Variants in IL36A observed in about 807,000 individuals in gnomAD.
The protein encoded by IL36A is interleukin-36 alpha.
A neutral mutation model predicts 12.7 loss-of-function variants in IL36A; 13 were observed. The ratio of observed to expected loss-of-function variants is 1.02; its 90% CI spans 0.67 to 1.63. IL36A has a LOEUF of 1.63. Ranked by LOEUF, IL36A falls within the 40% of genes most tolerant of loss-of-function variation. IL36A has a pLI of 0.00. For missense variants in IL36A, 195 were observed against 192.9 expected (o/e 1.01, Z -0.07); for synonymous variants, 73 against 71.9 (o/e 1.01, Z -0.08).
chr2:113,008,453 C>T (rs547656012), downstream of IL36A: 4 of 175,322 alleles, frequency 2.3e-5, no homozygotes, highest in Admixed American at 1.2e-4. Flanking sequence ...CTCCGCCTCC[C>T]GGGTTCACGC....
At position 113,005,694 on chromosome 2, in the gene IL36A, G is replaced by T. The variant is rs1044083983; in HGVS notation, c.-178G>T. ...GTAGACTGCATCCAACAAAGTAAGG[G>T]TGCTGGGTGAGTTCTGGGAGTATAG... On this transcript the variant is annotated 5_prime_UTR_variant, in exon 1 of 4. Transcript: ENST00000259211. The T allele has an allele frequency of 1.5e-6, 1 of 682,772 alleles. No individual in the cohort carries two copies. Among genetic ancestry groups the T allele is most frequent in the Non-Finnish European group, 2.6e-6 (1 of 378,090 alleles). The allele number at this position is 682,772 out of a possible 1,614,324, so 42.3% of individuals were successfully genotyped here.
At position 113,006,030 on chromosome 2, in the gene IL36A, T is replaced by C; in HGVS notation, c.67T>C (p.Trp23Arg). Reference sequence around the variant, plus strand: ...CATTCAGGATATCAATCATCGGGTGTGGGTTCTTCAGGACCAGACGCTCAT... The same window carrying C: ...CATTCAGGATATCAATCATCGGGTGCGGGTTCTTCAGGACCAGACGCTCAT... ...GSIQDINHRV[W>R]VLQDQTLIAV... The change falls in exon 2 of 4, where the codon TGG becomes CGG. Residue 23 changes from tryptophan to arginine, a missense_variant. Physicochemically the swap from Trp to Arg is moderately radical, Grantham distance 101. Coordinates refer to ENST00000259211, the MANE Select transcript of IL36A (RefSeq NM_014440.3). 3 of 1,614,060 alleles carry C rather than the reference T, an allele frequency of 1.9e-6. No homozygotes were observed. Among genetic ancestry groups the C allele is most frequent in the Non-Finnish European group, 2.5e-6 (3 of 1,179,964 alleles).
chr2:113,006,959 G>A (rs1237628291), intron 3 of IL36A, among the ~76,000 whole-genome samples: 1 of 152,164 alleles, frequency 6.6e-6, no homozygotes, highest in East Asian at 1.9e-4. Context: ...AATTTGGCAA[G>A]GATGATGTCT....
In IL36A at chr2:113,006,065, G is replaced by A. The variant is rs1371487707; in HGVS notation, c.102G>A (p.Pro34=). 10 of 1,613,068 alleles carry A rather than the reference G, an allele frequency of 6.2e-6. No individual in the cohort carries two copies. Among genetic ancestry groups the A allele is most frequent in the East Asian group, 4.5e-5 (2 of 44,882 alleles). The change falls in exon 2 of 4, where the codon CCG becomes CCA. Residue 34 remains proline, a synonymous_variant. Coordinates refer to ENST00000259211, the MANE Select transcript of IL36A (RefSeq NM_014440.3). ...VLQDQTLIAV[P]RKDRMSPVTI... is the part of the protein sequence containing the mutation. Reference sequence around the variant, plus strand: ...AGGACCAGACGCTCATAGCAGTCCCGAGGAAGGACCGTATGTCTCCAGGTG... The same window carrying A: ...AGGACCAGACGCTCATAGCAGTCCCAAGGAAGGACCGTATGTCTCCAGGTG...
At chr2:113,010,536 TA>T (rs924698945), downstream of IL36A, among the ~76,000 whole-genome samples, 5 of 152,196 alleles carry the variant, frequency 3.3e-5, no homozygotes, top group African/African-American at 9.7e-5. Context: ...TTGGATCTCC[TA>T]AACTCAGGGC....
At chr2:113,010,526 T>C (rs148031250), downstream of IL36A, among the ~76,000 whole-genome samples, 47 of 152,314 alleles carry the variant, frequency 3.1e-4, no homozygotes, top group East Asian at 7.3e-3. Flanking sequence ...AACTGGGATA[T>C]TGGATCTCCT....
rs193189208 is a variant in IL36A, at chr2:113,006,603, A to G, written c.130A>G (p.Ile44Val). 33 of 1,613,990 alleles carry G rather than the reference A, an allele frequency of 2.0e-5. No homozygotes were observed. The East Asian group carries it at 6.7e-4, about 33-fold the overall frequency. The change falls in exon 3 of 4, where the codon ATT (isoleucine) becomes GTT (valine). Residue 44 changes from isoleucine to valine, a missense_variant. Transcript: ENST00000259211. ...TTTTCACATCGTGTTCCCAGTCACT[A>G]TTGCCTTAATCTCATGCCGACATGT... ...PRKDRMSPVT[I>V]ALISCRHVET... is the part of the protein sequence containing the mutation.
Position 113,005,776 on chromosome 2 carries a change from A to T in IL36A, c.-96A>T. 1 of 1,386,242 alleles carries T rather than the reference A, an allele frequency of 7.2e-7. No homozygotes were observed. Among genetic ancestry groups the T allele is most frequent in the Non-Finnish European group, 1.0e-6 (1 of 972,400 alleles). The allele number at this position is 1,386,242 out of a possible 1,614,324, so 85.9% of individuals were successfully genotyped here. On this transcript the variant is annotated 5_prime_UTR_variant, in exon 1 of 4. Coordinates refer to ENST00000259211, the MANE Select transcript of IL36A (RefSeq NM_014440.3). ...CCAGTCTTTCATCTGACCCAGGGTTAAACTGTGGCTTGGGACTGACTCAGG... is the reference window on the plus strand; with the variant it reads ...CCAGTCTTTCATCTGACCCAGGGTTTAACTGTGGCTTGGGACTGACTCAGG...
In IL36A at chr2:113,006,644, A is replaced by T. The variant is rs1374430496; in HGVS notation, c.171A>T (p.Lys57Asn). ...GCCGACATGTGGAGACCCTTGAGAA[A>T]GACAGAGGGAACCCCATCTACCTGG... ...ISCRHVETLE[K>N]DRGNPIYLGL... Residue 57 changes from lysine to asparagine, a missense_variant, in exon 3 of 4, where the codon AAA becomes AAT. Coordinates refer to ENST00000259211, the MANE Select transcript of IL36A (RefSeq NM_014440.3). The T allele has an allele frequency of 6.2e-6, 10 of 1,614,030 alleles. No homozygotes were observed. In the Admixed American group the frequency reaches 1.3e-4, roughly 22 times the overall value.
chr2:113,005,882 G>A lies in IL36A; in HGVS notation c.10+1G>A. The A allele has an allele frequency of 6.2e-7, 1 of 1,614,134 alleles. No individual in the cohort carries two copies. The highest frequency in any genetic ancestry group is 8.5e-7 in the Non-Finnish European group (1 of 1,179,998). On this transcript the variant is annotated splice_donor_variant, in intron 1 of 3. Transcript: ENST00000259211. LOFTEE classifies it high-confidence loss of function. ...AACAACACCACCACAATGGAAAAAG[G>A]TAAAGATCCTCGTGGAAGGGCGAAA...
chr2:113,006,012 G>A lies in IL36A; in HGVS notation c.49G>A (p.Asp17Asn). The A allele has an allele frequency of 6.2e-7, 1 of 1,614,070 alleles. No individual in the cohort carries two copies. ...IDTPQQGSIQDINHRVWVLQD... is the reference protein window; with the variant it reads ...IDTPQQGSIQNINHRVWVLQD... ...CACACCTCAGCAGGGGAGCATTCAG[G>A]ATATCAATCATCGGGTGTGGGTTCT... Residue 17 changes from aspartate (D) to asparagine (N), a missense_variant, in exon 2 of 4, where the codon GAT becomes AAT. Transcript: ENST00000259211.
At chr2:113,008,578 T>C, downstream of IL36A, 1 of 257,618 alleles carries the variant, frequency 3.9e-6, no homozygotes, top group Non-Finnish European at 7.7e-6. Context: ...AGGAGGGTGG[T>C]GACTCTTAAA....
At chr2:113,007,301 C>T (rs28947172) in intron 3 of IL36A, among the ~76,000 whole-genome samples, 3,585 of 152,148 alleles carry the variant, frequency 0.024, 157 homozygotes, top group African/African-American at 0.082. Context: ...TTGTCAATGT[C>T]TGGAGATGTT....
rs1684626148 is a variant in IL36A at position 113,006,600 on chromosome 2, A to G, written c.127A>G (p.Thr43Ala). 1.9e-6 allele frequency: 3 copies of G among 1,613,748 alleles called. No individual in the cohort carries two copies. The highest frequency in any genetic ancestry group is 2.7e-5 in the African/African-American group (2 of 74,894). Residue 43 changes from threonine to alanine, a missense_variant and splice_region_variant, in exon 3 of 4, where the codon ACT (threonine) becomes GCT (alanine). Thr to Ala is a moderately conservative substitution (Grantham distance 58). Transcript: ENST00000259211. ...VPRKDRMSPV[T>A]IALISCRHVE... ...CACTTTTCACATCGTGTTCCCAGTCACTATTGCCTTAATCTCATGCCGACA... is the reference window on the plus strand; with the variant it reads ...CACTTTTCACATCGTGTTCCCAGTCGCTATTGCCTTAATCTCATGCCGACA...
intron 2 of IL36A, 133 bp from the exon 3 acceptor site, chr2:113,006,465 G>C: frequency 1.1e-6 from 1 of 898,146 alleles, no homozygotes; most frequent in East Asian, 2.4e-5. Flanking sequence ...GTCCCGGTTA[G>C]GTGGTGGGTG....
chr2:113,005,810 T>TG lies in IL36A; in HGVS notation c.-58dup, dbSNP rs1371554705. ...CTTGGGACTGACTCAGGTCCTCTCT[T>TG]GGGGTCGGTCTGCACATAAAAGGAC... On this transcript the variant is annotated 5_prime_UTR_variant, in exon 1 of 4. Coordinates refer to ENST00000259211, the MANE Select transcript of IL36A (RefSeq NM_014440.3). 13 of 1,597,838 alleles carry TG rather than the reference T, an allele frequency of 8.1e-6. No individual in the cohort carries two copies. Among genetic ancestry groups the TG allele is most frequent in the African/African-American group, 1.3e-5 (1 of 74,608 alleles).
chr2:113,008,515 C>T (rs1048460878), downstream of IL36A: 6 of 240,576 alleles, frequency 2.5e-5, no homozygotes, highest in Non-Finnish European at 5.1e-5. Context: ...CGCCCGCTAC[C>T]ACGCCCGGCT....
At chr2:113,007,404 A>G (rs1684644777) in intron 3 of IL36A, among the ~76,000 whole-genome samples, 1 of 152,244 alleles carries the variant, frequency 6.6e-6, no homozygotes, top group Admixed American at 6.5e-5. Flanking sequence ...ATTATACAGG[A>G]CAGACCCTGA....
chr2:113,007,875 A>T lies in IL36A; in HGVS notation c.308A>T (p.Lys103Met). 6.2e-7 allele frequency: 1 copy of T among 1,614,194 alleles called. No homozygotes were observed. The highest frequency in any genetic ancestry group is 8.5e-7 in the Non-Finnish European group (1 of 1,180,038). The change falls in exon 4 of 4, where the codon AAG becomes ATG. Residue 103 changes from lysine (K) to methionine (M), a missense_variant. By Grantham distance (95) the Lys-to-Met change is moderately conservative. Coordinates refer to ENST00000259211, the MANE Select transcript of IL36A (RefSeq NM_014440.3). ...TTGTACAACCAACCCGAGCCTGTGA[A>T]GTCCTTTCTCTTCTACCACAGCCAG... ...MDLYNQPEPV[K>M]SFLFYHSQSG... is the part of the protein sequence containing the mutation.
Sources: gnomAD v4.1 joint callset for allele counts (sites outside exome capture counted in the v4.1 genomes callset) on GRCh38, gnomAD v4.1.1 for gene constraint, MANE v1.5 for transcripts, NCBI Gene and HGNC (gene_info 2026-07-23, HGNC 2026-07-21) for gene names.